ZNRF3: variants seen among roughly 807,000 people sequenced by gnomAD.
The protein encoded by ZNRF3 is zinc and ring finger 3, also known as E3 ubiquitin-protein ligase ZNRF3.
Under a neutral mutation model 72.5 loss-of-function variants are expected in ZNRF3, and 23 were observed. That is an observed-to-expected ratio of 0.32 (90% confidence interval 0.23 to 0.45). The LOEUF is 0.45. Ranked by LOEUF, ZNRF3 falls within the 20% of genes least tolerant of loss-of-function variation. The pLI, the probability that ZNRF3 is intolerant of heterozygous loss-of-function variation, is 1.00. For missense variants in ZNRF3, 1,169 were observed against 1,272.1 expected (o/e 0.92, Z 1.23); for synonymous variants, 610 against 545.3 (o/e 1.12, Z -1.65).
Position 29,043,283 on chromosome 22 carries a change from C to T in ZNRF3, c.502-16C>T. The T allele has an allele frequency of 6.2e-7, 1 of 1,612,376 alleles. No homozygotes were observed. Among genetic ancestry groups the T allele is most frequent in the South Asian group, 1.1e-5 (1 of 90,882 alleles). On this transcript the variant is annotated splice_polypyrimidine_tract_variant and intron_variant, in intron 3 of 8. Coordinates refer to ENST00000544604, the MANE Select transcript of ZNRF3 (RefSeq NM_001206998.2). ...GTAAGCGCACCTTTTAACCAGAGCC[C>T]TCTCTTCTTCCTTAGCTGAACCAGG... is the stretch of plus-strand genomic sequence containing the variant.
At chr22:28,890,478 C>T (rs1048789781) in intron 1 of ZNRF3, among the ~76,000 whole-genome samples, 8 of 152,034 alleles carry the variant, frequency 5.3e-5, no homozygotes, top group African/African-American at 1.5e-4. Context: ...CCAGCCTGAG[C>T]GACAGAGCAA....
chr22:28,910,239 C>T (rs1356873520), intron 1 of ZNRF3, among the ~76,000 whole-genome samples: 1 of 152,046 alleles, frequency 6.6e-6, no homozygotes. Context: ...CGGGGTTTCA[C>T]CATGTTGACC....
At chr22:29,044,925 C>A (rs758248189) in intron 5 of ZNRF3, 35 bp downstream of exon 5, 9 of 1,476,324 alleles carry the variant, frequency 6.1e-6, no homozygotes, top group African/African-American at 2.8e-5. Context: ...GAGCAGTAAC[C>A]CCTCTTGCCG....
At chr22:28,900,148 A>G (rs1189580578) in intron 1 of ZNRF3, among the ~76,000 whole-genome samples, 1 of 151,966 alleles carries the variant, frequency 6.6e-6, no homozygotes, top group African/African-American at 2.4e-5. Flanking sequence ...GGGGAGGGAG[A>G]AGGGAAAGAA....
chr22:28,901,536 G>A (rs2034103415), intron 1 of ZNRF3, among the ~76,000 whole-genome samples: 1 of 152,024 alleles, frequency 6.6e-6, no homozygotes. Flanking sequence ...TGGCTGCTTT[G>A]GCTGCTTTTC....
intron 1 of ZNRF3, among the ~76,000 whole-genome samples, chr22:28,986,081 C>A (rs1002641811): frequency 5.3e-5 from 8 of 152,192 alleles, no homozygotes; most frequent in Non-Finnish European, 1.2e-4. Flanking sequence ...TGCACTGGAC[C>A]AACCCAGATA....
chr22:28,928,073 T>C (rs1449712144), intron 1 of ZNRF3, among the ~76,000 whole-genome samples: 1 of 152,228 alleles, frequency 6.6e-6, no homozygotes, highest in African/African-American at 2.4e-5. Context: ...CCATTTTTGG[T>C]ACAGTTTAGA....
intron 1 of ZNRF3, among the ~76,000 whole-genome samples, chr22:28,954,758 G>A (rs1234554920): frequency 6.6e-6 from 1 of 151,934 alleles, no homozygotes; most frequent in African/African-American, 2.4e-5. Flanking sequence ...GGGACTACAG[G>A]TGTGTGCCAC....
At chr22:29,028,205 C>T (rs184752557) in intron 2 of ZNRF3, among the ~76,000 whole-genome samples, 6 of 152,254 alleles carry the variant, frequency 3.9e-5, no homozygotes, top group East Asian at 1.9e-4. Flanking sequence ...ATGAATATAA[C>T]GCCTTTGGAT....
At position 29,043,319 on chromosome 22, in the gene ZNRF3, C is replaced by G; in HGVS notation, c.522C>G (p.Asp174Glu). 1 of 1,614,008 alleles carries G rather than the reference C, an allele frequency of 6.2e-7. No individual in the cohort carries two copies. The highest frequency in any genetic ancestry group is 8.5e-7 in the Non-Finnish European group (1 of 1,180,002). ...CTTAGCTGAACCAGGGCTCTGAAGACCCGCTCAAGAGGCCGGTGGTGTATG... is the reference window on the plus strand; with the variant it reads ...CTTAGCTGAACCAGGGCTCTGAAGAGCCGCTCAAGAGGCCGGTGGTGTATG... ...AIDQLNQGSE[D>E]PLKRPVVYVK... Residue 174 changes from aspartate (D) to glutamate (E), a missense_variant, in exon 4 of 9, where the codon GAC becomes GAG. Coordinates refer to ENST00000544604, the MANE Select transcript of ZNRF3 (RefSeq NM_001206998.2).
At chr22:29,021,158 C>T (rs1359048592) in intron 2 of ZNRF3, among the ~76,000 whole-genome samples, 1 of 151,862 alleles carries the variant, frequency 6.6e-6, no homozygotes, top group Non-Finnish European at 1.5e-5. Flanking sequence ...CACTTGAACC[C>T]AGGAGGCGGA....
rs938543552 is a variant in ZNRF3, at chr22:29,056,976, T to C, written c.*3354T>C. 6.6e-6 allele frequency: 1 copy of C among 152,250 alleles called. No homozygotes were observed. The highest frequency in any genetic ancestry group is 2.4e-5 in the African/African-American group (1 of 41,464). The allele number at this position is 152,250 out of a possible 1,614,324, so 9.4% of individuals were successfully genotyped here. The stretch of plus-strand genomic sequence containing the variant: ...AATAATTACTAGTCGAGACTATTAT[T>C]CTTTAAACAGAACTGCCTTTTTCTA... On this transcript the variant is annotated 3_prime_UTR_variant, in exon 9 of 9. Coordinates refer to ENST00000544604, the MANE Select transcript of ZNRF3 (RefSeq NM_001206998.2).
intron 1 of ZNRF3, among the ~76,000 whole-genome samples, chr22:28,910,828 T>G (rs563471763): frequency 2.0e-5 from 3 of 152,258 alleles, no homozygotes; most frequent in African/African-American, 7.2e-5. Flanking sequence ...GATTGGTGCT[T>G]GGATTTGCTC....
At chr22:28,947,117 C>T (rs901296559) in intron 1 of ZNRF3, among the ~76,000 whole-genome samples, 1 of 152,182 alleles carries the variant, frequency 6.6e-6, no homozygotes, top group African/African-American at 2.4e-5. Context: ...AGTCTTTTAA[C>T]ACTTTATTTT....
intron 1 of ZNRF3, among the ~76,000 whole-genome samples, chr22:28,933,069 A>G (rs930231513): frequency 2.0e-5 from 3 of 152,244 alleles, no homozygotes; most frequent in African/African-American, 7.2e-5. Context: ...AAAGTACATC[A>G]TCTGACATTT....
chr22:28,994,394 T>C (rs1029054606), intron 2 of ZNRF3, among the ~76,000 whole-genome samples: 15 of 151,506 alleles, frequency 9.9e-5, no homozygotes, highest in Non-Finnish European at 2.1e-4. Context: ...ACGGGGTTTC[T>C]CCATGGTGGT....
intron 1 of ZNRF3, among the ~76,000 whole-genome samples, chr22:28,885,517 G>A (rs1386644824): frequency 6.7e-6 from 1 of 149,352 alleles, no homozygotes; most frequent in Non-Finnish European, 1.5e-5. Context: ...CTTGCTCCTT[G>A]GCAACTTCTT....
chr22:29,046,546 C>T (rs1206467451), intron 5 of ZNRF3, among the ~76,000 whole-genome samples, 170 bp from the exon 6 acceptor site: 1 of 152,116 alleles, frequency 6.6e-6, no homozygotes, highest in East Asian at 1.9e-4. Flanking sequence ...CCCCACGCGT[C>T]TGGAGAATAT....
chr22:28,921,187 G>A (rs1423681285), intron 1 of ZNRF3, among the ~76,000 whole-genome samples: 1 of 152,098 alleles, frequency 6.6e-6, no homozygotes, highest in East Asian at 1.9e-4. Context: ...TTCATTGAGG[G>A]GCAGTCATTT....
Sources: allele counts gnomAD v4.1 joint callset (sites outside exome capture counted in the v4.1 genomes callset), GRCh38; gene constraint gnomAD v4.1.1; transcripts MANE v1.5; gene names NCBI Gene and HGNC (gene_info 2026-07-23, HGNC 2026-07-21).